The following SLCO3A1 variants were observed in gnomAD, a reference collection of about 807,000 sequenced individuals.
SLCO3A1 encodes the protein solute carrier organic anion transporter family member 3A1, also known as PGE1 transporter.
In SLCO3A1, 27 loss-of-function variants were observed where a neutral mutation model predicts 63.1. The ratio of observed to expected loss-of-function variants is 0.43; its 90% CI spans 0.32 to 0.59. The LOEUF is 0.59. Ranked by LOEUF, SLCO3A1 falls within the 20% of genes least tolerant of loss-of-function variation. SLCO3A1 has a pLI of 0.09. For synonymous variants in SLCO3A1, 473 were observed against 409.9 expected (o/e 1.15, Z -1.86); for missense variants, 773 against 945.8 (o/e 0.82, Z 2.40).
intron 3 of SLCO3A1, among the ~76,000 whole-genome samples, chr15:92,103,925 C>A (rs975164400): frequency 2.6e-5 from 4 of 152,154 alleles, no homozygotes; most frequent in Non-Finnish European, 5.9e-5. Context: ...TGAAAATCTA[C>A]CTCTGAACAA....
At chr15:92,106,354 T>C (rs765876868) in intron 4 of SLCO3A1, among the ~76,000 whole-genome samples, 4 of 152,144 alleles carry the variant, frequency 2.6e-5, no homozygotes, top group Non-Finnish European at 2.9e-5. Context: ...CACGTGTGCT[T>C]AATAAAATAG....
intron 2 of SLCO3A1, among the ~76,000 whole-genome samples, chr15:91,970,086 C>T (rs756503970): frequency 2.0e-5 from 3 of 151,942 alleles, no homozygotes; most frequent in Non-Finnish European, 4.4e-5. Context: ...TTGGCTCTAG[C>T]AGAAAACAAA....
chr15:91,982,920 C>T (rs2046005693), intron 2 of SLCO3A1, among the ~76,000 whole-genome samples: 1 of 152,222 alleles, frequency 6.6e-6, no homozygotes, highest in Non-Finnish European at 1.5e-5. Context: ...GGATGCCTTC[C>T]CTGCATCACC....
rs1346115452 is a variant in SLCO3A1 at position 91,862,728 on chromosome 15, T to C, written c.180+8640T>C. On this transcript the variant is annotated intron_variant, in intron 1 of 9. Transcript: ENST00000318445. The surrounding 1 kb of genome is among the most constrained non-coding windows in gnomAD (Gnocchi z 4.0). ...AGAAAATAATAGAAGGCAAACTAAA[T>C]CCCTGCTCACAAAACTACAGGAATT... 6.6e-6 allele frequency among the ~76,000 whole-genome samples: 1 copy of C among 152,220 alleles called. No homozygotes were observed. The highest frequency in any genetic ancestry group is 1.5e-5 in the Non-Finnish European group (1 of 68,038).
chr15:92,007,072 G>A (rs2046321290), intron 2 of SLCO3A1, among the ~76,000 whole-genome samples: 1 of 152,132 alleles, frequency 6.6e-6, no homozygotes, highest in Admixed American at 6.5e-5. Context: ...GTTTATAAAC[G>A]AACTAAGCAA....
chr15:91,991,067 T>G (rs958881172), intron 2 of SLCO3A1, among the ~76,000 whole-genome samples: 16 of 152,166 alleles, frequency 1.1e-4, no homozygotes, highest in African/African-American at 3.9e-4. Flanking sequence ...AGGGTATGTT[T>G]GTTTTTAATT....
intron 2 of SLCO3A1, among the ~76,000 whole-genome samples, chr15:92,008,933 T>G (rs1028531675): frequency 3.3e-5 from 5 of 152,196 alleles, no homozygotes; most frequent in African/African-American, 1.2e-4. Flanking sequence ...GAAACTCTAT[T>G]TGAAGAGATT....
intron 7 of SLCO3A1, among the ~76,000 whole-genome samples, chr15:92,142,146 T>C (rs2048142200): frequency 1.3e-5 from 2 of 152,234 alleles, no homozygotes; most frequent in Admixed American, 6.5e-5. Flanking sequence ...GCTTTTCCTC[T>C]TGGACACCAA....
chr15:91,871,586 A>G lies in SLCO3A1; in HGVS notation c.180+17498A>G, dbSNP rs75954735. ...GATAACTACTCAGGTGTTTTTTTCTAGATGTGGTGATATTGATGAAAACTC... is the reference window on the plus strand; with the variant it reads ...GATAACTACTCAGGTGTTTTTTTCTGGATGTGGTGATATTGATGAAAACTC... On this transcript the variant is annotated intron_variant, in intron 1 of 9. Transcript: ENST00000318445. Among the ~76,000 whole-genome samples the G allele has an allele frequency of 1.9e-3, 294 of 152,206 alleles. 2 individuals carry two copies. The highest frequency in any genetic ancestry group is 6.9e-3 in the African/African-American group (286 of 41,532).
intron 7 of SLCO3A1, among the ~76,000 whole-genome samples, chr15:92,140,003 T>C (rs1455734037): frequency 7.2e-6 from 1 of 139,804 alleles, no homozygotes; most frequent in Non-Finnish European, 1.5e-5. Flanking sequence ...TTTTAGTTAT[T>C]TCTTGCCTTC....
In SLCO3A1 at chr15:92,023,405, T is replaced by A. The variant is rs145120278; in HGVS notation, c.647-71476T>A. On this transcript the variant is annotated intron_variant, in intron 2 of 9. Transcript: ENST00000318445. ...ATTATTCTTTTTCATTGTTTGGTAC[T>A]CTATATGAGAAGAAAACTGGAGCTT... Among the ~76,000 whole-genome samples, 541 of 152,326 alleles carry A rather than the reference T, an allele frequency of 3.6e-3. 3 individuals are homozygous for A. Among genetic ancestry groups the A allele is most frequent in the African/African-American group, 0.012 (502 of 41,578 alleles).
intron 2 of SLCO3A1, among the ~76,000 whole-genome samples, chr15:91,955,926 C>T (rs922842298): frequency 1.3e-5 from 2 of 152,112 alleles, no homozygotes; most frequent in Non-Finnish European, 2.9e-5. Flanking sequence ...CCATCCTGGT[C>T]CCTGGTGAAT....
intron 2 of SLCO3A1, among the ~76,000 whole-genome samples, chr15:92,018,162 G>A (rs904059775): frequency 5.3e-5 from 8 of 152,210 alleles, no homozygotes; most frequent in South Asian, 4.1e-4. Context: ...GCCTTGGGGC[G>A]GTGACGGGGC....
intron 2 of SLCO3A1, among the ~76,000 whole-genome samples, chr15:91,945,605 C>T (rs1166349773): frequency 1.3e-5 from 2 of 152,170 alleles, no homozygotes; most frequent in African/African-American, 2.4e-5. Context: ...AAATAACACC[C>T]CAGGGGCAGA....
intron 2 of SLCO3A1, among the ~76,000 whole-genome samples, chr15:91,994,400 C>A (rs1175108159): frequency 6.6e-6 from 1 of 152,076 alleles, no homozygotes; most frequent in Admixed American, 6.5e-5. Context: ...AGCCCAAAGT[C>A]ACAGTTGGTA....
At chr15:92,147,213 C>T (rs1417001444) in intron 8 of SLCO3A1, 54 bp downstream of exon 8, 4 of 1,543,024 alleles carry the variant, frequency 2.6e-6, no homozygotes, top group African/African-American at 1.4e-5. Flanking sequence ...TGTTCATCTG[C>T]AGGCCTCCTA....
chr15:92,142,396 T>C (rs540426256), intron 7 of SLCO3A1, among the ~76,000 whole-genome samples: 70 of 152,308 alleles, frequency 4.6e-4, no homozygotes, highest in African/African-American at 1.7e-3. Context: ...CCTGCTTCCT[T>C]TTCATAGATG....
intron 9 of SLCO3A1, chr15:92,161,627 T>C (rs986364259): frequency 6.6e-6 from 1 of 152,244 alleles, no homozygotes; most frequent in Non-Finnish European, 1.5e-5. Flanking sequence ...CCATTTAAAC[T>C]ATATGTGTAT....
intron 2 of SLCO3A1, among the ~76,000 whole-genome samples, chr15:91,991,932 G>A (rs957773139): frequency 6.6e-6 from 1 of 152,180 alleles, no homozygotes; most frequent in Non-Finnish European, 1.5e-5. Context: ...ATCTGAGAAT[G>A]GTGAGTCCAA....
Sources: gnomAD v4.1 joint callset for allele counts (sites outside exome capture counted in the v4.1 genomes callset) on GRCh38, gnomAD v4.1.1 for gene constraint, Gnocchi (gnomAD v3.1) non-coding constraint, MANE v1.5 for transcripts, NCBI Gene and HGNC (gene_info 2026-07-23, HGNC 2026-07-21) for gene names.